Variants in SLC15A5 observed in about 807,000 individuals in gnomAD.
SLC15A5 encodes the protein solute carrier family 15 member 5, also known as Peptide/histidine transporter ENSP00000340402.
Under a neutral mutation model 56.1 loss-of-function variants are expected in SLC15A5, and 58 were observed. That is an observed-to-expected ratio of 1.03 (90% CI 0.84 to 1.29). The LOEUF (loss-of-function observed/expected upper bound fraction) is 1.29. Ranked by LOEUF, SLC15A5 falls within the 50% of genes most tolerant of loss-of-function variation. The pLI, the probability that SLC15A5 is intolerant of heterozygous loss-of-function variation, is 0.00. For synonymous variants in SLC15A5, 264 were observed against 250.5 expected (o/e 1.05, Z -0.51); for missense variants, 681 against 672.1 (o/e 1.01, Z -0.15).
rs1385954577 is a variant in SLC15A5 at position 16,277,602 on chromosome 12, A to C, written c.84T>G (p.Ile28Met). The C allele has an allele frequency of 1.3e-6, 2 of 1,536,328 alleles. No individual in the cohort carries two copies. Among genetic ancestry groups the C allele is most frequent in the Non-Finnish European group, 1.7e-6 (2 of 1,146,362 alleles). ...SIEKEKTVRH[I>M]GDLCSSHSVK... ...CAGAGTGTGAGGAACACAAATCGCC[A>C]ATATGTCTTACAGTTTTCTCCTTCT... is the stretch of plus-strand genomic sequence containing the variant. Residue 28 changes from isoleucine (I) to methionine (M), a missense_variant, in exon 1 of 9, where the codon ATT (isoleucine) becomes ATG (methionine). Transcript: ENST00000344941.
chr12:16,244,689 T>C lies in SLC15A5; in HGVS notation c.866A>G (p.Glu289Gly), dbSNP rs1185789673. The C allele has an allele frequency of 2.0e-5, 30 of 1,537,506 alleles. No homozygotes were observed. Among genetic ancestry groups the C allele is most frequent in the Non-Finnish European group, 2.4e-5 (28 of 1,147,018 alleles). ...DVTSQLDHAK[E>G]KNGGCYSELH... The stretch of plus-strand genomic sequence containing the variant: ...CTCACTGTAGCAGCCACCATTTTTT[T>C]CTTTGGCATGGTCTAACTGGCTTGT... Residue 289 changes from glutamate (E) to glycine (G), a missense_variant, in exon 4 of 9, where the codon GAA (glutamate) becomes GGA (glycine). Physicochemically the swap from Glu to Gly is moderately conservative, Grantham distance 98. Transcript: ENST00000344941.
In SLC15A5 at chr12:16,277,294, C is replaced by G. The variant is rs375754043; in HGVS notation, c.361+31G>C. 5.8e-5 allele frequency: 84 copies of G among 1,448,604 alleles called. No individual in the cohort carries two copies. In the African/African-American group the frequency reaches 1.1e-3, roughly 20 times the overall value. 89.7% of individuals were successfully genotyped at this position (1,448,604 alleles called of 1,614,324 possible). A position where few individuals can be genotyped will look rare whatever the true frequency, so the allele number is the denominator to read the frequency against. ...AACAAAAATCTACTTAATTAAGTCA[C>G]AAAACAATCCAGTCAGCAGAGGACA... On this transcript the variant is annotated intron_variant, in intron 1 of 8. Transcript: ENST00000344941.
At position 16,272,694 on chromosome 12, in the gene SLC15A5, GCT is replaced by G; in HGVS notation, c.449_450del (p.Glu150AlafsTer44). On this transcript the variant is annotated frameshift_variant, in exon 2 of 9. Transcript: ENST00000344941. LOFTEE classifies it high-confidence loss of function. ...AGTGCTACATAAAACAGCCTGTGCT[GCT>G]CTGTTTTTGGTATGTTGTTAACTGC... ...YHAVNNIPKT[E>X]QHRLFYVALL... 1.3e-6 allele frequency: 2 copies of G among 1,537,238 alleles called. No homozygotes were observed. Among genetic ancestry groups the G allele is most frequent in the Non-Finnish European group, 1.7e-6 (2 of 1,146,778 alleles).
chr12:16,231,199 A>G (rs944488731), intron 5 of SLC15A5, among the ~76,000 whole-genome samples: 11 of 152,212 alleles, frequency 7.2e-5, no homozygotes, highest in African/African-American at 2.2e-4. Flanking sequence ...ATCCTATTCC[A>G]CTAAAAGAAG....
chr12:16,237,238 A>T lies in SLC15A5; in HGVS notation c.1162+2443T>A, dbSNP rs1864360717. Among the ~76,000 whole-genome samples the T allele has an allele frequency of 6.6e-6, 1 of 152,208 alleles. No homozygotes were observed. The highest frequency in any genetic ancestry group is 1.5e-5 in the Non-Finnish European group (1 of 68,028). The stretch of plus-strand genomic sequence containing the variant: ...TGATAAAACTTGTTAATCTTTCATA[A>T]TCATAACCAGAATATGGAAAACTTA... On this transcript the variant is annotated intron_variant, in intron 5 of 8. Transcript: ENST00000344941. This position sits in a 1 kb window ranked among gnomAD's most constrained non-coding sequence, Gnocchi z 4.1.
At chr12:16,210,175 C>G (rs1187870448) in intron 7 of SLC15A5, among the ~76,000 whole-genome samples, 4 of 152,126 alleles carry the variant, frequency 2.6e-5, no homozygotes, top group African/African-American at 9.7e-5. Flanking sequence ...CTAGGCTTAC[C>G]AAGCTAAATT....
intron 3 of SLC15A5, among the ~76,000 whole-genome samples, chr12:16,250,195 TTAACAA>T (rs1392441661): frequency 6.6e-6 from 1 of 152,060 alleles, no homozygotes; most frequent in Non-Finnish European, 1.5e-5. Flanking sequence ...TGTGCTCAGC[TTAACAA>T]TAACAAACAC....
chr12:16,201,620 G>C (rs1863957529), intron 7 of SLC15A5, among the ~76,000 whole-genome samples: 1 of 152,134 alleles, frequency 6.6e-6, no homozygotes. Flanking sequence ...TAGTGAGTGA[G>C]TTATCAGGAG....
intron 3 of SLC15A5, among the ~76,000 whole-genome samples, chr12:16,251,377 GA>G (rs1214401408): frequency 6.6e-6 from 1 of 151,306 alleles, no homozygotes; most frequent in Non-Finnish European, 1.5e-5. Context: ...GAAAACAGTA[GA>G]AAAAACTCAA....
At chr12:16,263,960 C>T (rs1216916812) in intron 2 of SLC15A5, among the ~76,000 whole-genome samples, 6 of 152,224 alleles carry the variant, frequency 3.9e-5, no homozygotes, top group Admixed American at 2.6e-4. Flanking sequence ...ACAACCTCTG[C>T]TGGGGCAGTG....
chr12:16,206,868 G>C (rs1024750748), intron 7 of SLC15A5, among the ~76,000 whole-genome samples: 2 of 152,176 alleles, frequency 1.3e-5, no homozygotes, highest in Non-Finnish European at 2.9e-5. Context: ...AGAGAGAACA[G>C]GCATGGGTGA....
intron 7 of SLC15A5, among the ~76,000 whole-genome samples, chr12:16,207,557 A>G (rs1864032941): frequency 6.6e-6 from 1 of 152,182 alleles, no homozygotes; most frequent in East Asian, 1.9e-4. Flanking sequence ...TCTGAATATC[A>G]CTGGGCAAAT....
rs1358050346 is a variant in SLC15A5, at chr12:16,271,643, A to G, written c.584+918T>C. 2.0e-5 allele frequency among the ~76,000 whole-genome samples: 3 copies of G among 152,192 alleles called. No individual in the cohort carries two copies. The highest frequency in any genetic ancestry group is 2.9e-5 in the Non-Finnish European group (2 of 68,036). On this transcript the variant is annotated intron_variant, in intron 2 of 8. Coordinates refer to ENST00000344941, the MANE Select transcript of SLC15A5 (RefSeq NM_001170798.1). This position sits in a 1 kb window ranked among gnomAD's most constrained non-coding sequence, Gnocchi z 8.0. ...CTCGGATAGCTACATATGCCTATAC[A>G]TACACATATAGACACTATTTACTCT...
rs956573252 is a variant in SLC15A5, at chr12:16,257,699, AC to A, written c.754+1del. The A allele has an allele frequency of 3.6e-5, 52 of 1,457,320 alleles. No individual in the cohort carries two copies. In the African/African-American group the frequency reaches 5.8e-4, roughly 16 times the overall value. The allele number at this position is 1,457,320 out of a possible 1,614,324, so 90.3% of individuals were successfully genotyped here. On this transcript the variant is annotated splice_donor_variant, in intron 3 of 8. Coordinates refer to ENST00000344941, the MANE Select transcript of SLC15A5 (RefSeq NM_001170798.1). LOFTEE classifies it high-confidence loss of function. ...AATCAATGTAACGCATAATTTACTT[AC>A]GTTTTTCTGACTGATAAATTAGGTT...
intron 4 of SLC15A5, among the ~76,000 whole-genome samples, chr12:16,240,395 T>TTAA (rs1282639729): frequency 1.3e-5 from 2 of 152,082 alleles, no homozygotes; most frequent in African/African-American, 2.4e-5. Flanking sequence ...GTAGGCTGTC[T>TTAA]TTGAGGGGGC....
In SLC15A5 at chr12:16,257,815, T is replaced by A. The variant is rs1239232326; in HGVS notation, c.640A>T (p.Ile214Phe). The change falls in exon 3 of 9, where the codon ATC (isoleucine) becomes TTC (phenylalanine). Residue 214 changes from isoleucine (I) to phenylalanine (F), a missense_variant. Physicochemically the swap from Ile to Phe is conservative, Grantham distance 21. Coordinates refer to ENST00000344941, the MANE Select transcript of SLC15A5 (RefSeq NM_001170798.1). ...AGGGCCCAGGCCTGTGAGTGCTGGA[T>A]GTAAGATATTCCCAGAAACACAATA... is the stretch of plus-strand genomic sequence containing the variant. Reference protein sequence around the residue: ...ATIVFLGISYIQHSQAWALVL... With the variant: ...ATIVFLGISYFQHSQAWALVL... 2 of 1,524,938 alleles carry A rather than the reference T, an allele frequency of 1.3e-6. No individual in the cohort carries two copies. Among genetic ancestry groups the A allele is most frequent in the Non-Finnish European group, 1.8e-6 (2 of 1,142,638 alleles). The allele number at this position is 1,524,938 out of a possible 1,614,324, so 94.5% of individuals were successfully genotyped here.
In SLC15A5 at chr12:16,224,516, G is replaced by T. The variant is rs1254497405; in HGVS notation, c.1249C>A (p.Pro417Thr). ...HRKHFPAVEQ[P>T]LSGKVLTVSS... ...ACAGTGAGAACTTTTCCTGAAAGGGGCTGCTCCACTGCAGGGAAATGTTTT... is the reference window on the plus strand; with the variant it reads ...ACAGTGAGAACTTTTCCTGAAAGGGTCTGCTCCACTGCAGGGAAATGTTTT... Residue 417 changes from proline to threonine, a missense_variant, in exon 6 of 9, where the codon CCC (proline) becomes ACC (threonine). Transcript: ENST00000344941. 3.3e-6 allele frequency: 5 copies of T among 1,537,078 alleles called. No homozygotes were observed. In the East Asian group the frequency reaches 1.2e-4, roughly 38 times the overall value.
intron 6 of SLC15A5, among the ~76,000 whole-genome samples, chr12:16,217,881 CAA>C (rs1864145706): frequency 6.6e-6 from 1 of 151,612 alleles, no homozygotes; most frequent in Non-Finnish European, 1.5e-5. Context: ...ATGATAGTAA[CAA>C]GAGGTTAAAA....
chr12:16,244,747 G>A lies in SLC15A5; in HGVS notation c.808C>T (p.His270Tyr), dbSNP rs903640717. ...CTGCCAAGATGGCAGTATTGCGGGT[G>A]GCATGTTTTCAGTGCACTAACCAAC... The part of the protein sequence containing the change: ...GVLVSALKTC[H>Y]PQYCHLGRDV... Residue 270 changes from histidine (H) to tyrosine (Y), a missense_variant, in exon 4 of 9, where the codon CAC becomes TAC. By Grantham distance (83) the His-to-Tyr change is moderately conservative (BLOSUM62 2). Coordinates refer to ENST00000344941, the MANE Select transcript of SLC15A5 (RefSeq NM_001170798.1). 4.2e-5 allele frequency: 64 copies of A among 1,537,618 alleles called. No homozygotes were observed. The highest frequency in any genetic ancestry group is 5.1e-5 in the Non-Finnish European group (59 of 1,147,022).
Sources: gnomAD v4.1 joint callset for allele counts (sites outside exome capture counted in the v4.1 genomes callset) on GRCh38, gnomAD v4.1.1 for gene constraint, Gnocchi (gnomAD v3.1) non-coding constraint, MANE v1.5 for transcripts, NCBI Gene and HGNC (gene_info 2026-07-23, HGNC 2026-07-21) for gene names.